The following MTERF4 variants were observed in gnomAD, a reference collection of about 807,000 sequenced individuals.
The protein encoded by MTERF4 is mitochondrial transcription termination factor 4.
A neutral mutation model predicts 22.5 loss-of-function variants in MTERF4; 17 were observed. The ratio of observed to expected loss-of-function variants is 0.75; its 90% confidence interval spans 0.52 to 1.13. MTERF4 has a LOEUF of 1.13. Among genes scored for constraint, MTERF4 ranks in the 50% most tolerant of loss-of-function variants. The probability of loss-of-function intolerance (pLI) is 0.00; values close to 1 mark genes in which losing one functional copy is unlikely to be tolerated. For missense variants in MTERF4, 420 were observed against 466.8 expected (o/e 0.90, Z 0.92); for synonymous variants, 165 against 175.3 (o/e 0.94, Z 0.47).
chr2:241,083,944 T>A (rs1284627451), downstream of MTERF4, among the ~76,000 whole-genome samples: 1 of 138,320 alleles, frequency 7.2e-6, no homozygotes, highest in Non-Finnish European at 1.6e-5. Flanking sequence ...TTGTTCCTTT[T>A]TTCTTTTTTC....
the MTERF4 span, among the ~76,000 whole-genome samples, chr2:241,054,002 T>C: frequency 6.6e-6 from 1 of 152,204 alleles, no homozygotes; most frequent in South Asian, 2.1e-4. Flanking sequence ...AGCACCCAGA[T>C]TTGAGTGGGG....
chr2:241,058,824 C>T, the MTERF4 span, among the ~76,000 whole-genome samples: 1 of 152,098 alleles, frequency 6.6e-6, no homozygotes, highest in Non-Finnish European at 1.5e-5. Context: ...GTGGCGGGCG[C>T]CTGTAGTCCC....
At chr2:241,098,998 G>T (rs919416140) in intron 2 of MTERF4, among the ~76,000 whole-genome samples, 1 of 151,756 alleles carries the variant, frequency 6.6e-6, no homozygotes, top group African/African-American at 2.4e-5. Context: ...CAGGAACACT[G>T]ACATACTCAG....
At chr2:241,070,430 T>C (rs970625705), downstream of MTERF4, among the ~76,000 whole-genome samples, 7 of 152,212 alleles carry the variant, frequency 4.6e-5, no homozygotes, top group Non-Finnish European at 1.5e-5. Context: ...AATAAGCACA[T>C]TGAGCCTCAG....
At chr2:241,082,837 T>C (rs1345110909), downstream of MTERF4, among the ~76,000 whole-genome samples, 1 of 152,218 alleles carries the variant, frequency 6.6e-6, no homozygotes, top group Non-Finnish European at 1.5e-5. Flanking sequence ...TCTTAGGTCC[T>C]TTCTTGCTAA....
At chr2:241,065,956 G>GC in the MTERF4 span, among the ~76,000 whole-genome samples, 1 of 152,112 alleles carries the variant, frequency 6.6e-6, no homozygotes, top group African/African-American at 2.4e-5. Flanking sequence ...GGTGGGCTTG[G>GC]GGGGGCTGGG....
chr2:241,062,888 C>A, the MTERF4 span: 2 of 1,603,392 alleles, frequency 1.2e-6, no homozygotes, highest in Non-Finnish European at 1.7e-6. Flanking sequence ...GCTATGAGGG[C>A]GCCCACTGTG....
chr2:241,066,790 C>G, the MTERF4 span, among the ~76,000 whole-genome samples: 4 of 152,160 alleles, frequency 2.6e-5, no homozygotes, highest in Non-Finnish European at 4.4e-5. Context: ...CTGGCCACAC[C>G]TGGGCCCTAG....
the MTERF4 span, among the ~76,000 whole-genome samples, chr2:241,058,181 C>T: frequency 6.6e-6 from 1 of 152,080 alleles, no homozygotes; most frequent in African/African-American, 2.4e-5. Flanking sequence ...AGACGAAAAG[C>T]ATCATTAAGA....
chr2:241,088,490 T>C (rs930287978), downstream of MTERF4: 3 of 1,077,154 alleles, frequency 2.8e-6, no homozygotes, highest in African/African-American at 4.6e-5. Context: ...AGAGTGCCGC[T>C]GCCTGCTTAC....
downstream of MTERF4, chr2:241,094,502 G>A (rs2064259186): frequency 2.3e-6 from 1 of 436,736 alleles, no homozygotes; most frequent in Non-Finnish European, 4.8e-6. The surrounding 1 kb of genome is among the most constrained non-coding windows in gnomAD (Gnocchi z 4.3). Flanking sequence ...ACACCTACCA[G>A]GGGTATTCCA....
chr2:241,074,381 A>G (rs754382768), exon 5 of MTERF4: 1 of 152,186 alleles, frequency 6.6e-6, no homozygotes, highest in East Asian at 1.9e-4. Flanking sequence ...CAGAGAGTGA[A>G]GGATTCTCTT....
chr2:241,049,723 G>C, the MTERF4 span: 1 of 882,546 alleles, frequency 1.1e-6, no homozygotes, highest in Non-Finnish European at 1.8e-6. Flanking sequence ...CAGGATGTCA[G>C]GGTAACCCTG....
chr2:241,095,770 A>C lies in MTERF4; in HGVS notation c.*228T>G. ...ATAAGTATCTTATTCAGGATGGGAC[A>C]GGGCCCTCCCCACAGACACGTGACA... On this transcript the variant is annotated 3_prime_UTR_variant, in exon 4 of 4. Coordinates refer to ENST00000391980, the MANE Select transcript of MTERF4 (RefSeq NM_182501.4). 11 of 660,090 alleles carry C rather than the reference A, an allele frequency of 1.7e-5. No individual in the cohort carries two copies. The highest frequency in any genetic ancestry group is 2.3e-5 in the Non-Finnish European group (9 of 395,012). The allele number at this position is 660,090 out of a possible 1,614,324, so 40.9% of individuals were successfully genotyped here. A position where few individuals can be genotyped will look rare whatever the true frequency, so the allele number is the denominator to read the frequency against.
the MTERF4 span, among the ~76,000 whole-genome samples, chr2:241,044,963 A>G: frequency 4.6e-5 from 7 of 152,234 alleles, no homozygotes; most frequent in Non-Finnish European, 1.5e-5. Flanking sequence ...ATCTTGGGAC[A>G]GCAACTCCAT....
At chr2:241,065,707 A>T in the MTERF4 span, 3 of 919,496 alleles carry the variant, frequency 3.3e-6, no homozygotes, top group Non-Finnish European at 4.9e-6. Flanking sequence ...TAGTTCTTGC[A>T]GCAGCAAGAC....
chr2:241,079,433 C>T (rs1462090691), intron 4 of MTERF4, among the ~76,000 whole-genome samples: 2 of 147,680 alleles, frequency 1.4e-5, no homozygotes, highest in East Asian at 3.9e-4. Flanking sequence ...AAAAAAGTAA[C>T]GTGCAGAACA....
At chr2:241,045,423 A>G in the MTERF4 span, among the ~76,000 whole-genome samples, 1 of 152,244 alleles carries the variant, frequency 6.6e-6, no homozygotes, top group African/African-American at 2.4e-5. Flanking sequence ...ACAGTGATCA[A>G]TTCAGTGTGA....
rs748385584 is a variant in MTERF4, at chr2:241,096,397, T to C, written c.747A>G (p.Val249=). The part of the protein sequence containing the change: ...FRMGIKHPDI[V]KSEYLQYSLT... ...GTGAATACTGCAAGTACTCACTCTT[T>C]ACAATGTCTGGATGCTTAATTCCCA... Residue 249 remains valine (V), a synonymous_variant, in exon 4 of 4, where the codon GTA becomes GTG. Transcript: ENST00000391980. The surrounding 1 kb of genome is among the most constrained non-coding windows in gnomAD (Gnocchi z 5.1). 1.2e-6 allele frequency: 2 copies of C among 1,614,224 alleles called. No homozygotes were observed. The highest frequency in any genetic ancestry group is 2.2e-5 in the South Asian group (2 of 91,086).
Sources: gnomAD v4.1 joint callset for allele counts (sites outside exome capture counted in the v4.1 genomes callset) on GRCh38, gnomAD v4.1.1 for gene constraint, Gnocchi (gnomAD v3.1) non-coding constraint, MANE v1.5 for transcripts, NCBI Gene and HGNC (gene_info 2026-07-23, HGNC 2026-07-21) for gene names.